Variants in CLBA1 observed in about 807,000 individuals in gnomAD.
CLBA1 encodes clathrin binding box of aftiphilin containing 1, also known as uncharacterized protein CLBA1.
A neutral mutation model predicts 28.8 loss-of-function variants in CLBA1; 30 were observed. The observed-to-expected ratio is 1.04, with a 90% confidence interval of 0.78 to 1.41. The LOEUF (loss-of-function observed/expected upper bound fraction) is 1.41, where lower values mean the gene tolerates loss of function less well. Ranked by LOEUF, CLBA1 falls within the 40% of genes most tolerant of loss-of-function variation. CLBA1 has a pLI of 0.00. For synonymous variants in CLBA1, 160 were observed against 152.8 expected, an observed-to-expected ratio of 1.05 and a Z score of -0.35; for missense variants, 451 against 412.3, an observed-to-expected ratio of 1.09 and a Z score of -0.81.
At chr14:104,993,825 C>T in intron 4 of CLBA1, 1 of 985,426 alleles carries the variant, frequency 1.0e-6, no homozygotes, top group Non-Finnish European at 1.2e-6. Context: ...GCATGGGCGG[C>T]TGTGAGCATG....
rs757807040 is a variant in CLBA1 at position 104,988,974 on chromosome 14, G to A, written c.455G>A (p.Cys152Tyr). ...PILSYENILK[C>Y]AFQEITVQQA... Reference sequence around the variant, plus strand: ...CTCAGCTATGAGAACATTTTAAAGTGTGCTTTTCAAGAAATAACAGTCCAG... The same window carrying A: ...CTCAGCTATGAGAACATTTTAAAGTATGCTTTTCAAGAAATAACAGTCCAG... Residue 152 changes from cysteine to tyrosine, a missense_variant, in exon 2 of 5, where the codon TGT (cysteine) becomes TAT (tyrosine). Cys to Tyr is a radical substitution (Grantham distance 194, BLOSUM62 -2). Coordinates refer to ENST00000547315, the MANE Select transcript of CLBA1 (RefSeq NM_174891.4). 6.2e-6 allele frequency: 10 copies of A among 1,612,976 alleles called. No homozygotes were observed. Among genetic ancestry groups the A allele is most frequent in the Non-Finnish European group, 8.5e-6 (10 of 1,179,386 alleles).
rs568467810 is a variant in CLBA1, at chr14:104,988,575, G to A, written c.424-368G>A. On this transcript the variant is annotated intron_variant, in intron 1 of 4. Transcript: ENST00000547315. ...AGGCTGGTCTCGAACTCCTGACCTCGTGATCTGCCCACCTGGGGCTCCCAA... is the reference window on the plus strand; with the variant it reads ...AGGCTGGTCTCGAACTCCTGACCTCATGATCTGCCCACCTGGGGCTCCCAA... 4.6e-5 allele frequency among the ~76,000 whole-genome samples: 7 copies of A among 152,186 alleles called. No homozygotes were observed. In the East Asian group the frequency reaches 7.7e-4, roughly 17 times the overall value.
In CLBA1 at chr14:104,986,841, TC is replaced by T. The variant is rs762624831; in HGVS notation, c.413del (p.Pro138HisfsTer13). ...CCTTGGGTGACAGGAACTTCTGCCGTCCCACCTTCTGAGGTATTTCTGCTGT... is the reference window on the plus strand; with the variant it reads ...CCTTGGGTGACAGGAACTTCTGCCGTCCACCTTCTGAGGTATTTCTGCTGT... ...GGPWVTGTSA[V>X]PPSEPILSYE... On this transcript the variant is annotated frameshift_variant, in exon 1 of 5. Transcript: ENST00000547315. LOFTEE classifies it high-confidence loss of function. The T allele has an allele frequency of 2.5e-6, 4 of 1,613,036 alleles. No homozygotes were observed. The highest frequency in any genetic ancestry group is 2.5e-6 in the Non-Finnish European group (3 of 1,179,936).
downstream of CLBA1, chr14:104,999,345 A>C (rs1900224534): frequency 1.6e-5 from 10 of 620,744 alleles, no homozygotes; most frequent in Admixed American, 6.3e-5. Context: ...GAGGCCAGGG[A>C]CATGGCCTTC....
chr14:105,000,317 G>A (rs1566935442), downstream of CLBA1, among the ~76,000 whole-genome samples: 1 of 151,534 alleles, frequency 6.6e-6, no homozygotes, highest in Non-Finnish European at 1.5e-5. Flanking sequence ...TGTCGCCCAG[G>A]CTGGGGTGCA....
At position 104,985,818 on chromosome 14, in the gene CLBA1, C is replaced by T. The variant is rs1027209401; in HGVS notation, c.-614C>T. 4 of 302,530 alleles carry T rather than the reference C, an allele frequency of 1.3e-5. No homozygotes were observed. The highest frequency in any genetic ancestry group is 1.7e-4 in the East Asian group (1 of 5,956). The allele number at this position is 302,530 out of a possible 1,614,324, so 18.7% of individuals were successfully genotyped here. ...ACGGGGCGGCGCAGGCAGGAGGGAACGGCTGGTTGCAGGTTTCTCTCGCCC... is the reference window on the plus strand; with the variant it reads ...ACGGGGCGGCGCAGGCAGGAGGGAATGGCTGGTTGCAGGTTTCTCTCGCCC... On this transcript the variant is annotated 5_prime_UTR_variant, in exon 1 of 5. The change creates a new upstream start codon in the 5' untranslated region. Transcript: ENST00000547315.
chr14:104,991,339 T>C, intron 2 of CLBA1, 152 bp from the exon 3 acceptor site: 1 of 836,308 alleles, frequency 1.2e-6, no homozygotes, highest in Non-Finnish European at 1.8e-6. Context: ...ACACTGTTTT[T>C]AGAGTTCTTA....
chr14:104,994,341 C>T lies in CLBA1; in HGVS notation c.817-257C>T, dbSNP rs973547828. ...CACGTAGCACAAGGGCCAGAGACCC[C>T]GCCTAAGATGTGGGCCCACTGCTGT... On this transcript the variant is annotated intron_variant, in intron 4 of 4. Transcript: ENST00000547315. 3.0e-6 allele frequency: 3 copies of T among 985,310 alleles called. No individual in the cohort carries two copies. In the African/African-American group the frequency reaches 5.2e-5, roughly 17 times the overall value. The allele number at this position is 985,310 out of a possible 1,614,324, so 61.0% of individuals were successfully genotyped here.
chr14:104,989,924 G>T, intron 2 of CLBA1: 2 of 342,860 alleles, frequency 5.8e-6, no homozygotes, highest in East Asian at 1.5e-4. Flanking sequence ...CGTGTCCTCT[G>T]CTGGGGTCCA....
chr14:104,987,790 TA>T (rs1899909243), intron 1 of CLBA1, among the ~76,000 whole-genome samples: 2 of 69,684 alleles, frequency 2.9e-5, no homozygotes, highest in African/African-American at 2.4e-4. Context: ...GCTAACTTTT[TA>T]TATATATATA....
In CLBA1 at chr14:104,994,750, C is replaced by T. The variant is rs760519710; in HGVS notation, c.969C>T (p.Asp323=). ...TCAAACTGACACTCTTTAATAGCGACGTTTGCTAAAATCAGGAGGACTTTG... is the reference window on the plus strand; with the variant it reads ...TCAAACTGACACTCTTTAATAGCGATGTTTGCTAAAATCAGGAGGACTTTG... ...RKLKLTLFNS[D]VC The change falls in exon 5 of 5, where the codon GAC becomes GAT. Residue 323 remains aspartate (D), a synonymous_variant. Coordinates refer to ENST00000547315, the MANE Select transcript of CLBA1 (RefSeq NM_174891.4). 69 of 1,597,548 alleles carry T rather than the reference C, an allele frequency of 4.3e-5. No individual in the cohort carries two copies. In the Admixed American group the frequency reaches 9.0e-4, roughly 21 times the overall value.
Position 104,993,025 on chromosome 14 carries a change from C to T in CLBA1, c.777C>T (p.Ser259=), listed in dbSNP as rs1853305996. 1 of 1,614,008 alleles carries T rather than the reference C, an allele frequency of 6.2e-7. No individual in the cohort carries two copies. The highest frequency in any genetic ancestry group is 1.7e-5 in the Admixed American group (1 of 60,006). ...CTGAAGGACTCCTCACTGTCAGCAG[C>T]TTCTGTCTCCAGCATTGCAAAGCCC... The part of the protein sequence containing the change: ...KEPEGLLTVS[S]FCLQHCKALI... The change falls in exon 4 of 5, where the codon AGC becomes AGT. Residue 259 remains serine, a synonymous_variant. Coordinates refer to ENST00000547315, the MANE Select transcript of CLBA1 (RefSeq NM_174891.4).
At chr14:104,993,734 G>T (rs1900099909) in intron 4 of CLBA1, 1 of 985,432 alleles carries the variant, frequency 1.0e-6, no homozygotes, top group Non-Finnish European at 1.2e-6. Context: ...TAGCTCACCT[G>T]GTTTCCTGCT....
downstream of CLBA1, among the ~76,000 whole-genome samples, chr14:104,998,541 A>C (rs1900206934): frequency 6.6e-6 from 1 of 152,240 alleles, no homozygotes; most frequent in Admixed American, 6.5e-5. Flanking sequence ...CCTGAGCTCA[A>C]GCAGTCTTCC....
chr14:104,999,680 G>A (rs138394440), downstream of CLBA1, among the ~76,000 whole-genome samples: 130 of 152,354 alleles, frequency 8.5e-4, 1 homozygote, highest in East Asian at 0.015. Context: ...TACACAGCAG[G>A]AGGTCATGAA....
At position 104,986,267 on chromosome 14, in the gene CLBA1, G is replaced by A. The variant is rs756664779; in HGVS notation, c.-165G>A. On this transcript the variant is annotated 5_prime_UTR_variant, in exon 1 of 5. Transcript: ENST00000547315. Reference sequence around the variant, plus strand: ...GTGTCAGTTCCACAGCAGCACGTGGGCACTTTCCACCGTCAGCCACTGGGC... The same window carrying A: ...GTGTCAGTTCCACAGCAGCACGTGGACACTTTCCACCGTCAGCCACTGGGC... The A allele has an allele frequency of 4.4e-6, 3 of 681,208 alleles. No homozygotes were observed. Among genetic ancestry groups the A allele is most frequent in the Non-Finnish European group, 7.3e-6 (3 of 411,026 alleles). 42.2% of individuals were successfully genotyped at this position (681,208 alleles called of 1,614,324 possible). A position where few individuals can be genotyped will look rare whatever the true frequency, so the allele number is the denominator to read the frequency against.
chr14:104,986,787 G>A lies in CLBA1; in HGVS notation c.356G>A (p.Cys119Tyr). The A allele has an allele frequency of 1.2e-6, 2 of 1,613,628 alleles. No individual in the cohort carries two copies. The highest frequency in any genetic ancestry group is 1.1e-5 in the South Asian group (1 of 91,078). The change falls in exon 1 of 5, where the codon TGC (cysteine) becomes TAC (tyrosine). Residue 119 changes from cysteine (C) to tyrosine (Y), a missense_variant. Coordinates refer to ENST00000547315, the MANE Select transcript of CLBA1 (RefSeq NM_174891.4). ...AGAACCACTTCTGCCCCAAAAGAGT[G>A]CAGTTCTCACCAACCATGCCAGGGT... ...PPRTTSAPKE[C>Y]SSHQPCQGGP... is the part of the protein sequence containing the mutation.
At chr14:104,999,664 G>C (rs1900229777), downstream of CLBA1, 1 of 152,232 alleles carries the variant, frequency 6.6e-6, no homozygotes, top group Admixed American at 6.5e-5. Context: ...AGCTAGTGAT[G>C]GCAGCTACAC....
chr14:104,998,252 T>TA (rs11365618), downstream of CLBA1, among the ~76,000 whole-genome samples: 79 of 141,886 alleles, frequency 5.6e-4, no homozygotes, highest in Middle Eastern at 3.7e-3. Context: ...TACAAAAAAG[T>TA]AAAAAAAAAA....
Sources: gnomAD v4.1 joint callset for allele counts (sites outside exome capture counted in the v4.1 genomes callset) on GRCh38, gnomAD v4.1.1 for gene constraint, MANE v1.5 for transcripts, NCBI Gene and HGNC (gene_info 2026-07-23, HGNC 2026-07-21) for gene names.